ACTR3C: variants seen among roughly 807,000 people sequenced by gnomAD.
The protein encoded by ACTR3C is actin-related protein 3C.
ACTR3C carries 18 observed loss-of-function variants against 26.3 expected under a neutral mutation model. That is an observed-to-expected ratio of 0.68 (90% CI 0.47 to 1.01). ACTR3C has a LOEUF of 1.01. Among genes scored for constraint, ACTR3C ranks in the 50% least tolerant of loss-of-function variants. The pLI is 0.00. For missense variants in ACTR3C, 184 were observed against 250.7 expected, an observed-to-expected ratio of 0.73 and a Z score of 1.80; for synonymous variants, 55 against 94.5, an observed-to-expected ratio of 0.58 and a Z score of 2.42.
the ACTR3C span, among the ~76,000 whole-genome samples, chr7:149,927,892 C>G: frequency 6.6e-6 from 1 of 152,282 alleles, no homozygotes; most frequent in East Asian, 1.9e-4. Flanking sequence ...CCATTCTATT[C>G]TTTTCTTTAT....
At chr7:149,904,912 G>A in the ACTR3C span, among the ~76,000 whole-genome samples, 1 of 151,484 alleles carries the variant, frequency 6.6e-6, no homozygotes, top group Admixed American at 6.6e-5. Flanking sequence ...TGTAATTCCA[G>A]CTACTCGGGA....
At chr7:150,037,989 C>T in the ACTR3C span, among the ~76,000 whole-genome samples, 1 of 139,408 alleles carries the variant, frequency 7.2e-6, no homozygotes, top group African/African-American at 2.7e-5. Context: ...TTCGCAGTCC[C>T]CGCCTCGCGG....
the ACTR3C span, among the ~76,000 whole-genome samples, chr7:149,901,045 A>G: frequency 1.3e-5 from 2 of 152,208 alleles, no homozygotes; most frequent in Admixed American, 1.3e-4. Flanking sequence ...AAAAAGGCAC[A>G]CACTGTATGA....
chr7:150,028,295 G>T, the ACTR3C span, among the ~76,000 whole-genome samples: 1 of 152,394 alleles, frequency 6.6e-6, no homozygotes, highest in Admixed American at 6.5e-5. Context: ...GCTCTTAGAT[G>T]TGTGGCATTG....
At chr7:149,916,985 C>T in the ACTR3C span, among the ~76,000 whole-genome samples, 3 of 152,178 alleles carry the variant, frequency 2.0e-5, 1 homozygote, top group Admixed American at 2.0e-4. Flanking sequence ...TCTTACACTA[C>T]CCCATTTCTG....
At chr7:149,981,897 C>T in the ACTR3C span, among the ~76,000 whole-genome samples, 20 of 152,338 alleles carry the variant, frequency 1.3e-4, no homozygotes, top group East Asian at 1.9e-3. Flanking sequence ...CACAGAACAT[C>T]GGCCGATGAA....
At chr7:150,259,351 A>G (rs1318892765) in intron 6 of ACTR3C, among the ~76,000 whole-genome samples, 5 of 152,086 alleles carry the variant, frequency 3.3e-5, no homozygotes, top group Non-Finnish European at 4.4e-5. Context: ...AAGACAGAGA[A>G]AGAAAGAAAG....
At chr7:150,038,856 G>A in the ACTR3C span, among the ~76,000 whole-genome samples, 50 of 125,398 alleles carry the variant, frequency 4.0e-4, no homozygotes, top group African/African-American at 1.1e-3. Context: ...GGAACCAGGG[G>A]CTGGCTCTCA....
At position 150,254,690 on chromosome 7, in the gene ACTR3C, T is replaced by A. The variant is rs1313592820; in HGVS notation, c.565-5636A>T. ...TTGGTTACATTTCTTCCTCACTACA[T>A]ACACCCATCATTTCAGTTGCTCAGG... On this transcript the variant is annotated intron_variant, in intron 6 of 7. Coordinates refer to ENST00000683684, the MANE Select transcript of ACTR3C (RefSeq NM_001164458.2). Among the ~76,000 whole-genome samples, 5 of 152,144 alleles carry A rather than the reference T, an allele frequency of 3.3e-5. No homozygotes were observed. The East Asian group carries it at 9.6e-4, about 29-fold the overall frequency.
chr7:150,307,287 G>A (rs1795870602), intron 1 of ACTR3C, among the ~76,000 whole-genome samples: 2 of 152,230 alleles, frequency 1.3e-5, no homozygotes, highest in South Asian at 4.1e-4. Context: ...TCTGTGACCT[G>A]CACATGTACA....
At chr7:150,144,626 TA>T in the ACTR3C span, among the ~76,000 whole-genome samples, 1 of 152,210 alleles carries the variant, frequency 6.6e-6, no homozygotes, top group Admixed American at 6.5e-5. The surrounding 1 kb of genome is among the most constrained non-coding windows in gnomAD (Gnocchi z 4.6). Context: ...TTCTAATTAT[TA>T]GCTGTTTAAT....
At chr7:149,894,450 G>T in the ACTR3C span, among the ~76,000 whole-genome samples, 1 of 152,204 alleles carries the variant, frequency 6.6e-6, no homozygotes, top group African/African-American at 2.4e-5. Flanking sequence ...AGAGTGAAGA[G>T]ACAATCTATA....
At chr7:150,057,716 G>A in the ACTR3C span, among the ~76,000 whole-genome samples, 19 of 152,304 alleles carry the variant, frequency 1.2e-4, no homozygotes, top group Non-Finnish European at 2.4e-4. Flanking sequence ...TTGTCCATAT[G>A]ACTAAAAACA....
the ACTR3C span, among the ~76,000 whole-genome samples, chr7:150,054,798 C>T: frequency 0.012 from 1,836 of 152,312 alleles, 19 homozygotes; most frequent in African/African-American, 0.023. Flanking sequence ...ATTCAGTTAA[C>T]ACCTGAGCAC....
At chr7:150,281,262 G>C (rs1484136952) in intron 6 of ACTR3C, among the ~76,000 whole-genome samples, 1 of 151,816 alleles carries the variant, frequency 6.6e-6, no homozygotes, top group Non-Finnish European at 1.5e-5. Flanking sequence ...GTGCTCTGCA[G>C]AAGTATTTGC....
At chr7:150,288,560 T>C (rs1369906279) in intron 4 of ACTR3C, among the ~76,000 whole-genome samples, 3 of 145,720 alleles carry the variant, frequency 2.1e-5, no homozygotes, top group Non-Finnish European at 4.5e-5. Flanking sequence ...AATTCTGACT[T>C]ACATTTCTAA....
the ACTR3C span, among the ~76,000 whole-genome samples, chr7:150,199,088 C>G: frequency 6.7e-6 from 1 of 149,886 alleles, no homozygotes; most frequent in African/African-American, 2.5e-5. Flanking sequence ...CCCGGCCGCC[C>G]CCCCGTCTGG....
chr7:149,957,590 CTT>C, the ACTR3C span, among the ~76,000 whole-genome samples: 3 of 152,252 alleles, frequency 2.0e-5, no homozygotes, highest in Admixed American at 6.5e-5. Flanking sequence ...ACCCCAGGTT[CTT>C]AGGACTTTGG....
the ACTR3C span, among the ~76,000 whole-genome samples, chr7:150,206,116 T>C: frequency 1.4e-4 from 21 of 152,204 alleles, no homozygotes; most frequent in Non-Finnish European, 8.8e-5. Context: ...TTTCAGGGCC[T>C]CATGATTTCT....
Sources: allele counts gnomAD v4.1 joint callset (sites outside exome capture counted in the v4.1 genomes callset), GRCh38; gene constraint gnomAD v4.1.1; non-coding constraint Gnocchi (gnomAD v3.1); transcripts MANE v1.5; gene names NCBI Gene and HGNC (gene_info 2026-07-23, HGNC 2026-07-21).